Variants in CDYL2 observed in about 807,000 individuals in gnomAD.
CDYL2 encodes the protein chromodomain Y-like protein 2.
A neutral mutation model predicts 49.4 loss-of-function variants in CDYL2; 23 were observed. That is an observed-to-expected ratio of 0.47 (90% CI 0.34 to 0.66). CDYL2 has a LOEUF of 0.66. CDYL2 is among the 30% of genes least tolerant of loss of function. The pLI, the probability that CDYL2 is intolerant of heterozygous loss-of-function variation, is 0.01. For missense variants in CDYL2, 678 were observed against 656.4 expected (o/e 1.03, Z -0.36); for synonymous variants, 360 against 268.8 (o/e 1.34, Z -3.32).
intron 1 of CDYL2, among the ~76,000 whole-genome samples, chr16:80,690,209 G>T (rs1910360160): frequency 6.6e-6 from 1 of 152,104 alleles, no homozygotes; most frequent in African/African-American, 2.4e-5. Flanking sequence ...AGAAACAACG[G>T]CAGCGGGAAT....
intron 2 of CDYL2, among the ~76,000 whole-genome samples, chr16:80,670,432 C>T (rs945533778): frequency 2.0e-5 from 3 of 152,294 alleles, no homozygotes; most frequent in South Asian, 2.1e-4. Context: ...CTTCCCCTTC[C>T]GCCATGATTG....
At chr16:80,725,936 G>A (rs572910824) in intron 1 of CDYL2, among the ~76,000 whole-genome samples, 1 of 152,194 alleles carries the variant, frequency 6.6e-6, no homozygotes, top group Non-Finnish European at 1.5e-5. Flanking sequence ...ATCTTCTGAA[G>A]TGGGATGACA....
intron 4 of CDYL2, among the ~76,000 whole-genome samples, chr16:80,617,050 C>A (rs1906862040): frequency 6.6e-6 from 1 of 152,212 alleles, no homozygotes; most frequent in African/African-American, 2.4e-5. Flanking sequence ...GAACAAGCCA[C>A]CTTGTCACCT....
At chr16:80,758,644 G>A (rs552045468) in intron 1 of CDYL2, among the ~76,000 whole-genome samples, 240 of 148,068 alleles carry the variant, frequency 1.6e-3, no homozygotes, top group African/African-American at 5.8e-3. Flanking sequence ...CCTGGTTCAC[G>A]CCATTCTCCT....
At chr16:80,646,303 A>C (rs928477534) in intron 2 of CDYL2, among the ~76,000 whole-genome samples, 37 of 152,264 alleles carry the variant, frequency 2.4e-4, no homozygotes, top group African/African-American at 8.9e-4. Context: ...ACAAACAATA[A>C]ACTAAATCAT....
At chr16:80,606,660 G>A (rs1402496733) in intron 6 of CDYL2, among the ~76,000 whole-genome samples, 1 of 152,186 alleles carries the variant, frequency 6.6e-6, no homozygotes, top group Non-Finnish European at 1.5e-5. Context: ...GGGGCATATG[G>A]TTTGCCTGTG....
chr16:80,626,885 G>A (rs1050759140), intron 3 of CDYL2, among the ~76,000 whole-genome samples: 1 of 152,210 alleles, frequency 6.6e-6, no homozygotes, highest in Non-Finnish European at 1.5e-5. Context: ...TGGTAAGGTA[G>A]GAGATGGTAT....
At chr16:80,645,971 A>C (rs1185853356) in intron 2 of CDYL2, among the ~76,000 whole-genome samples, 1 of 113,970 alleles carries the variant, frequency 8.8e-6, no homozygotes, top group Non-Finnish European at 1.7e-5. Context: ...AACATCACAC[A>C]CCGGGGCCTG....
chr16:80,709,198 A>G (rs983929542), intron 1 of CDYL2, among the ~76,000 whole-genome samples: 5 of 152,162 alleles, frequency 3.3e-5, no homozygotes, highest in African/African-American at 1.2e-4. Context: ...CCTGGCCAAC[A>G]TGGCGAAACC....
chr16:80,647,710 T>G (rs1908411931), intron 2 of CDYL2, among the ~76,000 whole-genome samples: 1 of 152,132 alleles, frequency 6.6e-6, no homozygotes. Flanking sequence ...TACAAAACAT[T>G]TAATCCAATG....
chr16:80,639,148 GGAGGTACCACTACACACATTAGACTA>G (rs1907969147), intron 2 of CDYL2, among the ~76,000 whole-genome samples: 1 of 152,156 alleles, frequency 6.6e-6, no homozygotes, highest in Non-Finnish European at 1.5e-5. Context: ...ATTAAAGCCA[GGAGGTACCACTACACACATTAGACTA>G]GCTAACATCC....
chr16:80,718,312 T>G (rs1164095734), intron 1 of CDYL2, among the ~76,000 whole-genome samples: 1 of 152,222 alleles, frequency 6.6e-6, no homozygotes, highest in African/African-American at 2.4e-5. Flanking sequence ...ATTACTTGTT[T>G]AAAGATGGAT....
intron 2 of CDYL2, among the ~76,000 whole-genome samples, chr16:80,637,143 G>A (rs891464535): frequency 2.6e-5 from 4 of 151,792 alleles, no homozygotes; most frequent in African/African-American, 9.7e-5. Context: ...CATGGCACGT[G>A]TATACTTATG....
At chr16:80,674,709 T>C (rs760675046) in intron 2 of CDYL2, among the ~76,000 whole-genome samples, 33 of 152,224 alleles carry the variant, frequency 2.2e-4, no homozygotes, top group Non-Finnish European at 4.4e-4. Context: ...TGGAATCATA[T>C]CATATGTGGT....
chr16:80,688,118 G>A (rs1234300877), intron 1 of CDYL2, among the ~76,000 whole-genome samples: 2 of 152,198 alleles, frequency 1.3e-5, no homozygotes, highest in South Asian at 2.1e-4. Flanking sequence ...CATTGGAGGC[G>A]GAGCTTAGTT....
intron 1 of CDYL2, among the ~76,000 whole-genome samples, chr16:80,691,924 G>A (rs1376392168): frequency 6.6e-6 from 1 of 152,146 alleles, no homozygotes; most frequent in Non-Finnish European, 1.5e-5. Flanking sequence ...CTGGAACCAG[G>A]AAAGGACAGA....
chr16:80,618,671 C>G (rs1906941467), intron 4 of CDYL2, among the ~76,000 whole-genome samples: 1 of 152,178 alleles, frequency 6.6e-6, no homozygotes, highest in Non-Finnish European at 1.5e-5. Context: ...ACGCCCTCCC[C>G]AGGCTGGGAC....
At chr16:80,763,676 G>C (rs1011648389) in intron 1 of CDYL2, among the ~76,000 whole-genome samples, 1 of 152,150 alleles carries the variant, frequency 6.6e-6, no homozygotes, top group African/African-American at 2.4e-5. Context: ...ACTAAGAGAG[G>C]AAGGGAACAT....
At chr16:80,791,337 T>C (rs1306966987) in intron 1 of CDYL2, among the ~76,000 whole-genome samples, 2 of 152,250 alleles carry the variant, frequency 1.3e-5, no homozygotes, top group Non-Finnish European at 2.9e-5. Flanking sequence ...AAATGAAAGA[T>C]TGAATAAATT....
Sources: allele counts gnomAD v4.1 joint callset (sites outside exome capture counted in the v4.1 genomes callset), GRCh38; gene constraint gnomAD v4.1.1; transcripts MANE v1.5; gene names NCBI Gene and HGNC (gene_info 2026-07-23, HGNC 2026-07-21).